The following SMOC2 variants were observed in gnomAD, a reference collection of about 807,000 sequenced individuals.
The protein encoded by SMOC2 is SPARC related modular calcium binding 2, also known as SPARC-related modular calcium-binding protein 2.
Under a neutral mutation model 61.4 loss-of-function variants are expected in SMOC2, and 39 were observed. That is an observed-to-expected ratio of 0.64 (90% CI 0.49 to 0.83). The LOEUF (loss-of-function observed/expected upper bound fraction) is 0.83. Ranked by LOEUF, SMOC2 falls within the 40% of genes least tolerant of loss-of-function variation. The pLI, the probability that SMOC2 is intolerant of heterozygous loss-of-function variation, is 0.00. For missense variants in SMOC2, 556 were observed against 592.9 expected, an observed-to-expected ratio of 0.94 and a Z score of 0.65; for synonymous variants, 247 against 239.9, an observed-to-expected ratio of 1.03 and a Z score of -0.27.
chr6:168,615,676 C>T (rs1385801196), intron 9 of SMOC2, among the ~76,000 whole-genome samples: 6 of 133,850 alleles, frequency 4.5e-5, no homozygotes, highest in African/African-American at 8.5e-5. Context: ...CCTCTTCACA[C>T]CTACAGCCAG....
chr6:168,603,089 C>T (rs1785594626), intron 8 of SMOC2, among the ~76,000 whole-genome samples: 1 of 151,222 alleles, frequency 6.6e-6, no homozygotes, highest in Non-Finnish European at 1.5e-5. Flanking sequence ...ATCATGAGAT[C>T]CGATGGTTTT....
intron 9 of SMOC2, among the ~76,000 whole-genome samples, chr6:168,608,553 C>T (rs1289899367): frequency 1.3e-5 from 2 of 152,232 alleles, no homozygotes; most frequent in African/African-American, 4.8e-5. Context: ...TCCTGAACCC[C>T]ACAGCCCAAA....
At chr6:168,565,934 A>G (rs1784531630) in intron 7 of SMOC2, among the ~76,000 whole-genome samples, 1 of 152,188 alleles carries the variant, frequency 6.6e-6, no homozygotes, top group African/African-American at 2.4e-5. Context: ...AATTTCTCCC[A>G]GTGTGTCAAA....
chr6:168,528,649 G>A (rs1429044848), intron 4 of SMOC2, among the ~76,000 whole-genome samples: 2 of 152,208 alleles, frequency 1.3e-5, no homozygotes, highest in African/African-American at 2.4e-5. Flanking sequence ...ACCTCTGTGG[G>A]TTCCAGGAGA....
Position 168,453,206 on chromosome 6 carries a change from CG to C in SMOC2, c.84+11755del, listed in dbSNP as rs1282086493. Among the ~76,000 whole-genome samples, 2 of 73,934 alleles carry C rather than the reference CG, an allele frequency of 2.7e-5. No homozygotes were observed. The highest frequency in any genetic ancestry group is 1.0e-4 in the African/African-American group (2 of 19,112). The allele number at this position is 73,934 out of a possible 152,430, so 48.5% of individuals were successfully genotyped here. A position where few individuals can be genotyped will look rare whatever the true frequency, so the allele number is the denominator to read the frequency against. On this transcript the variant is annotated intron_variant, in intron 1 of 12. Transcript: ENST00000356284. This position sits in a 1 kb window ranked among gnomAD's most constrained non-coding sequence, Gnocchi z 4.4. ...TGTGCTCAGGGTGGCCTGACAAATG[CG>C]GGCGGGGGTGGGGGAGGAACTCGGG...
chr6:168,516,397 T>C (rs1247641617), intron 2 of SMOC2, among the ~76,000 whole-genome samples: 3 of 144,828 alleles, frequency 2.1e-5, no homozygotes, highest in Admixed American at 2.1e-4. Flanking sequence ...AAAAGCCAAA[T>C]GCCAGGAGAA....
At position 168,578,284 on chromosome 6, in the gene SMOC2, A is replaced by G. The variant is rs151228312; in HGVS notation, c.638-20534A>G. ...AAGTCTAAGGAGGTAGCTCATGGAA[A>G]GTGACTGGCATCGTGGCTGGCACAT... On this transcript the variant is annotated intron_variant, in intron 7 of 12. Transcript: ENST00000356284. 6.9e-3 allele frequency among the ~76,000 whole-genome samples: 1,047 copies of G among 152,300 alleles called. 16 individuals are homozygous for G. Among genetic ancestry groups the G allele is most frequent in the African/African-American group, 0.024 (993 of 41,566 alleles).
intron 9 of SMOC2, among the ~76,000 whole-genome samples, chr6:168,623,986 AGAG>A (rs764653463): frequency 6.6e-6 from 1 of 152,158 alleles, no homozygotes; most frequent in Non-Finnish European, 1.5e-5. Context: ...GCATCGCCGC[AGAG>A]GAGGCTCCTG....
At chr6:168,606,188 G>A (rs571038316) in intron 8 of SMOC2, among the ~76,000 whole-genome samples, 1 of 152,294 alleles carries the variant, frequency 6.6e-6, no homozygotes, top group South Asian at 2.1e-4. Context: ...CGCAGCAGCA[G>A]CTGCATTAGG....
At chr6:168,592,544 C>G (rs866676277) in intron 7 of SMOC2, among the ~76,000 whole-genome samples, 3 of 83,350 alleles carry the variant, frequency 3.6e-5, no homozygotes, top group South Asian at 5.1e-4. Context: ...TCTAGAGGAT[C>G]TCCGAGCTCC....
chr6:168,615,078 C>T (rs376168571), intron 9 of SMOC2, among the ~76,000 whole-genome samples: 20 of 67,292 alleles, frequency 3.0e-4, no homozygotes, highest in East Asian at 9.6e-4. Flanking sequence ...TACTTACAGC[C>T]GGCACAGGGC....
At chr6:168,469,771 C>G (rs1339347433) in intron 1 of SMOC2, among the ~76,000 whole-genome samples, 4 of 152,138 alleles carry the variant, frequency 2.6e-5, no homozygotes, top group Admixed American at 1.3e-4. Flanking sequence ...CACGTGCAGC[C>G]TCGTTAGGAG....
At chr6:168,497,580 T>C (rs1002506808) in intron 1 of SMOC2, among the ~76,000 whole-genome samples, 4 of 152,218 alleles carry the variant, frequency 2.6e-5, no homozygotes, top group Admixed American at 2.6e-4. Flanking sequence ...AGCAGGTTCC[T>C]AGGAGTCCTG....
intron 7 of SMOC2, among the ~76,000 whole-genome samples, chr6:168,551,189 C>G (rs1011144616): frequency 1.3e-5 from 2 of 152,284 alleles, no homozygotes; most frequent in East Asian, 3.9e-4. Flanking sequence ...TGCCTTGCTT[C>G]CCTTCACCTT....
chr6:168,490,425 C>T lies in SMOC2; in HGVS notation c.85-19490C>T, dbSNP rs1016192724. Among the ~76,000 whole-genome samples, 16 of 152,266 alleles carry T rather than the reference C, an allele frequency of 1.1e-4. 1 individual carries two copies. In the East Asian group the frequency reaches 3.1e-3, roughly 29 times the overall value. ...GCGCGCAGCATACAAGGCATTGTCA[C>T]ACCAGGTGGGCTCCAGAGGGGACCT... On this transcript the variant is annotated intron_variant, in intron 1 of 12. Coordinates refer to ENST00000356284, the MANE Select transcript of SMOC2 (RefSeq NM_001166412.2).
At chr6:168,658,593 T>C (rs905364035) in intron 11 of SMOC2, among the ~76,000 whole-genome samples, 2 of 152,314 alleles carry the variant, frequency 1.3e-5, no homozygotes, top group Admixed American at 1.3e-4. Flanking sequence ...CAGATTCCTG[T>C]CTACTAATTT....
intron 9 of SMOC2, among the ~76,000 whole-genome samples, chr6:168,613,371 G>A (rs1039423871): frequency 8.5e-5 from 13 of 152,256 alleles, no homozygotes; most frequent in Middle Eastern, 6.8e-3. Flanking sequence ...CAGAGGGGGC[G>A]GCATGAGGAG....
intron 11 of SMOC2, among the ~76,000 whole-genome samples, chr6:168,658,274 G>C (rs116743803): frequency 5.4e-4 from 82 of 152,326 alleles, no homozygotes; most frequent in African/African-American, 1.9e-3. Flanking sequence ...GACACCTTGT[G>C]GCACCTGGGG....
chr6:168,509,908 CT>C lies in SMOC2; in HGVS notation c.85-4del. 1 of 1,581,012 alleles carries C rather than the reference CT, an allele frequency of 6.3e-7. No homozygotes were observed. The highest frequency in any genetic ancestry group is 8.6e-7 in the Non-Finnish European group (1 of 1,158,592). On this transcript the variant is annotated splice_polypyrimidine_tract_variant and splice_region_variant and intron_variant, in intron 1 of 12. Coordinates refer to ENST00000356284, the MANE Select transcript of SMOC2 (RefSeq NM_001166412.2). The stretch of plus-strand genomic sequence containing the variant: ...AATTTGTCTGGCTTCTTTTTTTCTC[CT>C]TTAAGTTTTTGAGAGTGGATCAAGA...
Sources: allele counts gnomAD v4.1 joint callset (sites outside exome capture counted in the v4.1 genomes callset), GRCh38; gene constraint gnomAD v4.1.1; non-coding constraint Gnocchi (gnomAD v3.1); transcripts MANE v1.5; gene names NCBI Gene and HGNC (gene_info 2026-07-23, HGNC 2026-07-21).